TMPRSS6: variants seen among roughly 807,000 people sequenced by gnomAD.
The protein encoded by TMPRSS6 is transmembrane serine protease 6.
TMPRSS6 carries 67 observed loss-of-function variants against 101.5 expected under a neutral mutation model. The observed-to-expected ratio is 0.66, with a 90% confidence interval of 0.54 to 0.81. The LOEUF is 0.81. Among genes scored for constraint, TMPRSS6 ranks in the 30% least tolerant of loss-of-function variants. The pLI, the probability that TMPRSS6 is intolerant of heterozygous loss-of-function variation, is 0.00. For synonymous variants in TMPRSS6, 453 were observed against 464.9 expected (o/e 0.97, Z 0.33); for missense variants, 1,034 against 1,088.7 (o/e 0.95, Z 0.71).
chr22:37,107,431 C>A (rs1044059160), intron 1 of TMPRSS6, among the ~76,000 whole-genome samples: 8 of 152,028 alleles, frequency 5.3e-5, no homozygotes, highest in South Asian at 4.2e-4. Context: ...GGGTCCAGCA[C>A]CTTTGGAAAA....
Position 37,103,624 on chromosome 22 carries a change from G to C in TMPRSS6, c.-1-206C>G. 6.3e-7 allele frequency: 1 copy of C among 1,594,508 alleles called. No homozygotes were observed. The highest frequency in any genetic ancestry group is 1.7e-5 in the Admixed American group (1 of 60,000). ...CAGGTCAGCTCGCACCAGAGGGCAG[G>C]CACCAGAGCTGGACTGGGTCTGGCT... is the stretch of plus-strand genomic sequence containing the variant. On this transcript the variant is annotated intron_variant, in intron 1 of 17. Coordinates refer to ENST00000676104, the MANE Select transcript of TMPRSS6 (RefSeq NM_001374504.1). The surrounding 1 kb of genome is among the most constrained non-coding windows in gnomAD (Gnocchi z 4.4).
intron 16 of TMPRSS6, 86 bp downstream of exon 16, chr22:37,068,987 C>T: frequency 6.6e-7 from 1 of 1,504,232 alleles, no homozygotes; most frequent in South Asian, 1.3e-5. Context: ...CCGGGACCCC[C>T]AGCCCCGCCC....
At chr22:37,067,001 C>T (rs751999005) in intron 16 of TMPRSS6, 39 bp from the exon 17 acceptor site, 1 of 1,613,690 alleles carries the variant, frequency 6.2e-7, no homozygotes, top group South Asian at 1.1e-5. Context: ...TCTCAGGAGC[C>T]TGGAGCCCCT....
chr22:37,099,132 C>T (rs185418644), intron 2 of TMPRSS6, among the ~76,000 whole-genome samples: 59 of 152,302 alleles, frequency 3.9e-4, no homozygotes, highest in Admixed American at 3.7e-3. Flanking sequence ...GGGGATGTGA[C>T]GAGGACACTC....
chr22:37,098,711 T>TGACAAA (rs1231778063), intron 2 of TMPRSS6, among the ~76,000 whole-genome samples, 162 bp from the exon 3 acceptor site: 1 of 152,216 alleles, frequency 6.6e-6, no homozygotes, highest in Non-Finnish European at 1.5e-5. Flanking sequence ...TCACTCCCAT[T>TGACAAA]GTCATCATGG....
intron 6 of TMPRSS6, among the ~76,000 whole-genome samples, chr22:37,091,039 G>A (rs768180833): frequency 2.1e-5 from 3 of 144,638 alleles, no homozygotes; most frequent in Non-Finnish European, 4.5e-5. Flanking sequence ...CATCTAATCC[G>A]TAAGCTCTGA....
At chr22:37,066,387 G>A in intron 17 of TMPRSS6, 149 bp from the exon 18 acceptor site, 1 of 910,258 alleles carries the variant, frequency 1.1e-6, no homozygotes, top group Non-Finnish European at 1.6e-6. Context: ...CCCCTCGCCT[G>A]CTAAATGGAG....
chr22:37,075,109 G>A, intron 11 of TMPRSS6, 26 bp downstream of exon 11: 1 of 1,613,668 alleles, frequency 6.2e-7, no homozygotes, highest in South Asian at 1.1e-5. Context: ...TCACTGCAGG[G>A]GGTTCCCCCG....
chr22:37,075,096 G>A lies in TMPRSS6; in HGVS notation c.1342+39C>T, dbSNP rs373118606. ...GTTCCAGGGATGGCCAAGAGGCAGCGAGTCACTGCAGGGGGTTCCCCCGGC... is the reference window on the plus strand; with the variant it reads ...GTTCCAGGGATGGCCAAGAGGCAGCAAGTCACTGCAGGGGGTTCCCCCGGC... On this transcript the variant is annotated intron_variant, in intron 11 of 17. Transcript: ENST00000676104. The A allele has an allele frequency of 9.6e-5, 155 of 1,613,572 alleles. 1 individual carries two copies. Among genetic ancestry groups the A allele is most frequent in the Non-Finnish European group, 1.3e-4 (149 of 1,180,006 alleles).
At chr22:37,097,865 CGG>C in intron 3 of TMPRSS6, among the ~76,000 whole-genome samples, 1 of 88,932 alleles carries the variant, frequency 1.1e-5, no homozygotes, top group Non-Finnish European at 2.2e-5. Context: ...CGTCCTGTAA[CGG>C]AGGGGGAGGA....
In TMPRSS6 at chr22:37,103,560, T is replaced by C; in HGVS notation, c.-1-142A>G. The C allele has an allele frequency of 6.2e-7, 1 of 1,613,816 alleles. No homozygotes were observed. Among genetic ancestry groups the C allele is most frequent in the Non-Finnish European group, 8.5e-7 (1 of 1,180,006 alleles). On this transcript the variant is annotated intron_variant, in intron 1 of 17. Transcript: ENST00000676104. The surrounding 1 kb of genome is among the most constrained non-coding windows in gnomAD (Gnocchi z 4.4). Reference sequence around the variant, plus strand: ...AACATCAGGCGGCAGTGACTGCAAGTGGGTGCCGAGACAGCTCACAGAGGA... The same window carrying C: ...AACATCAGGCGGCAGTGACTGCAAGCGGGTGCCGAGACAGCTCACAGAGGA...
At chr22:37,099,528 C>A (rs1930114451) in intron 2 of TMPRSS6, among the ~76,000 whole-genome samples, 1 of 152,216 alleles carries the variant, frequency 6.6e-6, no homozygotes, top group South Asian at 2.1e-4. Context: ...TCAGTAAATA[C>A]CTCTTGAGAG....
At position 37,089,652 on chromosome 22, in the gene TMPRSS6, C is replaced by A. The variant is rs750433105; in HGVS notation, c.762G>T (p.Trp254Cys). The A allele has an allele frequency of 6.2e-6, 10 of 1,612,916 alleles. No homozygotes were observed. Among genetic ancestry groups the A allele is most frequent in the Non-Finnish European group, 8.5e-6 (10 of 1,179,768 alleles). The change falls in exon 7 of 18, where the codon TGG (tryptophan) becomes TGT (cysteine). Residue 254 changes from tryptophan (W) to cysteine (C), a missense_variant. Physicochemically the swap from Trp to Cys is radical, Grantham distance 215. Transcript: ENST00000676104. ...GTCGGTCCCGGCACTCTGCCAGCGT[C>A]CACTCCAGCCGGAGTTTGAGCATGA... is the stretch of plus-strand genomic sequence containing the variant. ...KDLMLKLRLE[W>C]TLAECRDRLA... is the part of the protein sequence containing the mutation.
chr22:37,085,619 C>T (rs1208409368), intron 8 of TMPRSS6, among the ~76,000 whole-genome samples: 1 of 152,148 alleles, frequency 6.6e-6, no homozygotes, highest in Non-Finnish European at 1.5e-5. Context: ...TATGGCTGGT[C>T]CAGGCCCAGG....
chr22:37,082,138 T>C (rs545972679), intron 10 of TMPRSS6, among the ~76,000 whole-genome samples: 32 of 152,270 alleles, frequency 2.1e-4, no homozygotes, highest in African/African-American at 7.2e-4. Flanking sequence ...GTTGGGGGTA[T>C]GGGAGAGACC....
intron 6 of TMPRSS6, among the ~76,000 whole-genome samples, chr22:37,095,110 C>T (rs5756511): frequency 0.37 from 55,575 of 151,746 alleles, 10,332 homozygotes; most frequent in East Asian, 0.41. Flanking sequence ...AGGGAAGGAG[C>T]GTTCTTGAAT....
In TMPRSS6 at chr22:37,067,090, G is replaced by A. The variant is rs1251486796; in HGVS notation, c.2114-128C>T. ...TCCTGCTCTGCCCACCCTTACCCCT[G>A]CTAGGGTCGCACCTGCCCCTCTGCC... On this transcript the variant is annotated intron_variant, in intron 16 of 17. Coordinates refer to ENST00000676104, the MANE Select transcript of TMPRSS6 (RefSeq NM_001374504.1). 18 of 1,405,790 alleles carry A rather than the reference G, an allele frequency of 1.3e-5. No individual in the cohort carries two copies. In the Admixed American group the frequency reaches 3.3e-4, roughly 26 times the overall value. The allele number at this position is 1,405,790 out of a possible 1,614,324, so 87.1% of individuals were successfully genotyped here. A position where few individuals can be genotyped will look rare whatever the true frequency, so the allele number is the denominator to read the frequency against.
intron 13 of TMPRSS6, among the ~76,000 whole-genome samples, chr22:37,072,951 T>C (rs1486815851): frequency 1.4e-5 from 2 of 147,014 alleles, no homozygotes; most frequent in Non-Finnish European, 3.0e-5. Flanking sequence ...GGATGATCGA[T>C]GGGTGGATGA....
chr22:37,074,723 G>A lies in TMPRSS6; in HGVS notation c.1343-15C>T. On this transcript the variant is annotated splice_polypyrimidine_tract_variant and intron_variant, in intron 11 of 17. Transcript: ENST00000676104. ...TCCAGGGCAGGCTGCAAAACCACAGGGGACCGTGGAGGCAGGCAGGGCGCC... is the reference window on the plus strand; with the variant it reads ...TCCAGGGCAGGCTGCAAAACCACAGAGGACCGTGGAGGCAGGCAGGGCGCC... The A allele has an allele frequency of 2.5e-6, 4 of 1,613,336 alleles. No individual in the cohort carries two copies. The highest frequency in any genetic ancestry group is 3.4e-6 in the Non-Finnish European group (4 of 1,179,392).
Sources: allele counts gnomAD v4.1 joint callset (sites outside exome capture counted in the v4.1 genomes callset), GRCh38; gene constraint gnomAD v4.1.1; non-coding constraint Gnocchi (gnomAD v3.1); transcripts MANE v1.5; gene names NCBI Gene and HGNC (gene_info 2026-07-23, HGNC 2026-07-21).